Variants in CNTN4 observed in about 807,000 individuals in gnomAD.
The protein encoded by CNTN4 is contactin 4, also known as contactin-4.
CNTN4 carries 77 observed loss-of-function variants against 122.5 expected under a neutral mutation model. The observed-to-expected ratio is 0.63, with a 90% CI of 0.52 to 0.76. The LOEUF (loss-of-function observed/expected upper bound fraction) is 0.76, where lower values mean the gene tolerates loss of function less well. Ranked by LOEUF, CNTN4 falls within the 30% of genes least tolerant of loss-of-function variation. The probability of loss-of-function intolerance (pLI) is 0.00; values close to 1 mark genes in which losing one functional copy is unlikely to be tolerated. For missense variants in CNTN4, 1,256 were observed against 1,259.1 expected (o/e 1.00, Z 0.04); for synonymous variants, 512 against 447.0 (o/e 1.15, Z -1.83).
At chr3:2,321,353 A>C (rs1167880371) in intron 2 of CNTN4, among the ~76,000 whole-genome samples, 1 of 152,122 alleles carries the variant, frequency 6.6e-6, no homozygotes, top group Non-Finnish European at 1.5e-5. Context: ...TTAAACTTTT[A>C]GTTTCCTTAG....
At chr3:2,592,588 ACT>A (rs2080551073) in intron 4 of CNTN4, among the ~76,000 whole-genome samples, 5 of 151,766 alleles carry the variant, frequency 3.3e-5, no homozygotes. Flanking sequence ...CTCTGCACAA[ACT>A]CTCTCTTTTT....
chr3:2,373,836 G>A (rs1203847128), intron 3 of CNTN4, among the ~76,000 whole-genome samples: 1 of 152,240 alleles, frequency 6.6e-6, no homozygotes, highest in Non-Finnish European at 1.5e-5. Context: ...TTAAAGCAAT[G>A]TTTTTGAGCC....
intron 3 of CNTN4, among the ~76,000 whole-genome samples, chr3:2,358,890 T>C (rs978557759): frequency 2.0e-5 from 3 of 152,172 alleles, no homozygotes; most frequent in Admixed American, 6.5e-5. Flanking sequence ...ATATGGCTAG[T>C]CCGGTGCAGG....
intron 2 of CNTN4, among the ~76,000 whole-genome samples, chr3:2,211,043 A>G (rs964804247): frequency 5.9e-5 from 9 of 152,180 alleles, no homozygotes; most frequent in African/African-American, 1.9e-4. Context: ...TTGTAAGAAA[A>G]GAGGTTTAAT....
intron 14 of CNTN4, among the ~76,000 whole-genome samples, chr3:2,993,766 T>A (rs1695268585): frequency 6.6e-6 from 1 of 152,244 alleles, no homozygotes. Context: ...AGGTATAGTC[T>A]GGCCAAGCTA....
chr3:2,596,669 G>C (rs2149704564), intron 4 of CNTN4, among the ~76,000 whole-genome samples: 1 of 152,170 alleles, frequency 6.6e-6, no homozygotes, highest in South Asian at 2.1e-4. Flanking sequence ...GAGAATTAGG[G>C]AAGTGCAATC....
chr3:2,463,193 C>T (rs1209691347), intron 3 of CNTN4, among the ~76,000 whole-genome samples: 2 of 151,548 alleles, frequency 1.3e-5, no homozygotes, highest in Non-Finnish European at 2.9e-5. Context: ...CTGTTATCTA[C>T]TAAATGGGCT....
chr3:2,100,741 C>A (rs564043612), intron 2 of CNTN4, 102 bp downstream of exon 2: 101 of 152,292 alleles, frequency 6.6e-4, no homozygotes, highest in African/African-American at 2.3e-3. Flanking sequence ...GGATCAAAAA[C>A]AAGTTTCATG....
At chr3:2,371,575 G>A (rs1413239480) in intron 3 of CNTN4, among the ~76,000 whole-genome samples, 1 of 152,112 alleles carries the variant, frequency 6.6e-6, no homozygotes, top group East Asian at 1.9e-4. Context: ...TACATAGTAG[G>A]TTCTCAGTAT....
chr3:2,198,885 C>T (rs946528180), intron 2 of CNTN4, among the ~76,000 whole-genome samples: 2 of 152,136 alleles, frequency 1.3e-5, no homozygotes, highest in African/African-American at 4.8e-5. Context: ...AGGGGCTATT[C>T]CAATATACCA....
At chr3:2,414,509 TG>T (rs1442053312) in intron 3 of CNTN4, among the ~76,000 whole-genome samples, 1 of 152,218 alleles carries the variant, frequency 6.6e-6, no homozygotes, top group Non-Finnish European at 1.5e-5. Context: ...TATTTTTGGC[TG>T]GGAATTCAAG....
chr3:2,167,768 C>T (rs2036266989), intron 2 of CNTN4, among the ~76,000 whole-genome samples: 1 of 152,252 alleles, frequency 6.6e-6, no homozygotes, highest in African/African-American at 2.4e-5. Context: ...TTCACCCTGG[C>T]CCATTTTAAT....
intron 2 of CNTN4, among the ~76,000 whole-genome samples, chr3:2,208,673 G>A (rs551674544): frequency 1.2e-4 from 19 of 152,178 alleles, no homozygotes; most frequent in African/African-American, 4.6e-4. Context: ...AATCTTTCTC[G>A]AAAGGAAGGG....
intron 2 of CNTN4, among the ~76,000 whole-genome samples, chr3:2,222,336 A>T (rs1261562906): frequency 5.9e-5 from 9 of 152,174 alleles, no homozygotes; most frequent in African/African-American, 2.4e-5. Flanking sequence ...ACATGTCCAC[A>T]TTAGGCAAAT....
In CNTN4 at chr3:2,849,986, C is replaced by CTTTTTTTTTTTTTTTTT. The variant is rs746657018; in HGVS notation, c.455-16758_455-16757insTTTTTTTTTTTTTTTTT. Among the ~76,000 whole-genome samples, 2 of 140,694 alleles carry CTTTTTTTTTTTTTTTTT rather than the reference C, an allele frequency of 1.4e-5. 1 individual carries two copies. Among genetic ancestry groups the CTTTTTTTTTTTTTTTTT allele is most frequent in the Non-Finnish European group, 3.1e-5 (2 of 65,410 alleles). The allele number at this position is 140,694 out of a possible 152,430, so 92.3% of individuals were successfully genotyped here. On this transcript the variant is annotated intron_variant, in intron 7 of 24. Transcript: ENST00000418658. ...CCATTTTGGAAAATGTTAGCAATCA[C>CTTTTTTTTTTTTTTTTT]TTTTTTTTCTTTTTTTTTTCTGAGA...
Position 2,709,715 on chromosome 3 carries a change from A to G in CNTN4, c.56-26500A>G, listed in dbSNP as rs780655960. ...GATCACTTGAGGTCAGGAGTTCAAA[A>G]TCAGCCTGGCCAACATGGTGAAACC... On this transcript the variant is annotated intron_variant, in intron 4 of 24. Transcript: ENST00000418658. This position sits in a 1 kb window ranked among gnomAD's most constrained non-coding sequence, Gnocchi z 5.0. 1.3e-5 allele frequency among the ~76,000 whole-genome samples: 2 copies of G among 152,120 alleles called. No individual in the cohort carries two copies. The highest frequency in any genetic ancestry group is 2.1e-4 in the South Asian group (1 of 4,834).
chr3:2,257,642 T>G (rs1188562171), intron 2 of CNTN4, among the ~76,000 whole-genome samples: 1 of 152,162 alleles, frequency 6.6e-6, no homozygotes, highest in African/African-American at 2.4e-5. Flanking sequence ...CAGACACTTC[T>G]CAAAAGAAGA....
intron 13 of CNTN4, among the ~76,000 whole-genome samples, chr3:2,976,821 A>AAAGGT (rs1332056450): frequency 6.6e-5 from 10 of 152,206 alleles, no homozygotes; most frequent in African/African-American, 2.2e-4. Flanking sequence ...ATACCTTTTG[A>AAAGGT]ATTTTATGAA....
In CNTN4 at chr3:3,053,839, A is replaced by C. The variant is rs1299587416; in HGVS notation, c.2844A>C (p.Thr948=). 1.2e-6 allele frequency: 2 copies of C among 1,614,104 alleles called. No individual in the cohort carries two copies. Among genetic ancestry groups the C allele is most frequent in the Non-Finnish European group, 1.7e-6 (2 of 1,180,034 alleles). The part of the protein sequence containing the change: ...VLYRWNRQSS[T]SVIETNKTSV... ...ACAGATGGAACAGACAAAGCAGCAC[A>C]TCTGTCATTGAAACAAATAAAACAT... Residue 948 remains threonine, a synonymous_variant, in exon 24 of 25, where the codon ACA becomes ACC. Transcript: ENST00000418658.
Sources: allele counts gnomAD v4.1 joint callset (sites outside exome capture counted in the v4.1 genomes callset), GRCh38; gene constraint gnomAD v4.1.1; non-coding constraint Gnocchi (gnomAD v3.1); transcripts MANE v1.5; gene names NCBI Gene and HGNC (gene_info 2026-07-23, HGNC 2026-07-21).